ZFPL1: variants seen among roughly 807,000 people sequenced by gnomAD.
ZFPL1 encodes the protein zinc finger protein-like 1.
In ZFPL1, 28 loss-of-function variants were observed where a neutral mutation model predicts 32.0. The observed-to-expected ratio is 0.87, with a 90% confidence interval of 0.65 to 1.20. ZFPL1 has a LOEUF of 1.20. ZFPL1 is among the 50% of genes most tolerant of loss of function. The pLI is 0.00. For synonymous variants in ZFPL1, 165 were observed against 177.0 expected (o/e 0.93, Z 0.54); for missense variants, 386 against 424.8 (o/e 0.91, Z 0.80).
At chr11:65,086,283 C>A in intron 3 of ZFPL1, 132 bp from the exon 4 acceptor site, 1 of 1,192,400 alleles carries the variant, frequency 8.4e-7, no homozygotes, top group Non-Finnish European at 1.2e-6. Context: ...GGGAACAGGA[C>A]GGGGAGGAGA....
rs1381117351 is a variant in ZFPL1 at position 65,087,057 on chromosome 11, C to T, written c.611C>T (p.Pro204Leu). ...EQHTVIHMGN[P>L]EPLTHAPRKV... ...CACACAGTGATCCACATGGGCAATC[C>T]TGAGCCCTTGACTCACGGTGAGCCT... is the stretch of plus-strand genomic sequence containing the variant. Residue 204 changes from proline (P) to leucine (L), a missense_variant, in exon 6 of 8, where the codon CCT (proline) becomes CTT (leucine). Physicochemically the swap from Pro to Leu is moderately conservative, Grantham distance 98. Transcript: ENST00000294258. The T allele has an allele frequency of 1.2e-6, 2 of 1,613,630 alleles. No individual in the cohort carries two copies. Among genetic ancestry groups the T allele is most frequent in the Admixed American group, 3.3e-5 (2 of 59,972 alleles).
intron 2 of ZFPL1, 155 bp downstream of exon 2, chr11:65,084,955 G>A (rs1947659045): frequency 9.6e-7 from 1 of 1,036,698 alleles, no homozygotes; most frequent in Non-Finnish European, 1.5e-6. Context: ...CCGTTCCCAA[G>A]AGAGAGTCTG....
In ZFPL1 at chr11:65,087,065, T is replaced by G; in HGVS notation, c.619T>G (p.Leu207Val). Reference sequence around the variant, plus strand: ...GATCCACATGGGCAATCCTGAGCCCTTGACTCACGGTGAGCCTGGGAGTTA... The same window carrying G: ...GATCCACATGGGCAATCCTGAGCCCGTGACTCACGGTGAGCCTGGGAGTTA... ...TVIHMGNPEP[L>V]THAPRKVYDT... Residue 207 changes from leucine (L) to valine (V), a missense_variant, in exon 6 of 8, where the codon TTG becomes GTG. Transcript: ENST00000294258. The G allele has an allele frequency of 6.2e-7, 1 of 1,612,892 alleles. No homozygotes were observed. Among genetic ancestry groups the G allele is most frequent in the Non-Finnish European group, 8.5e-7 (1 of 1,179,238 alleles).
intron 7 of ZFPL1, 182 bp downstream of exon 7, chr11:65,087,615 G>A (rs1947692749): frequency 3.1e-6 from 2 of 653,568 alleles, no homozygotes; most frequent in South Asian, 1.8e-5. Flanking sequence ...GCTTCTCTCT[G>A]GGACTGTCTC....
At chr11:65,084,913 G>A (rs1406136325) in intron 2 of ZFPL1, 113 bp downstream of exon 2, 2 of 1,313,220 alleles carry the variant, frequency 1.5e-6, no homozygotes, top group Non-Finnish European at 1.1e-6. Context: ...CAAGGGCAAG[G>A]ACTTGATTTA....
intron 7 of ZFPL1, 200 bp downstream of exon 7, chr11:65,087,633 C>T (rs1040508978): frequency 3.2e-6 from 2 of 623,192 alleles, no homozygotes; most frequent in African/African-American, 3.7e-5. Context: ...CTCTATGCCT[C>T]CTACACAGGA....
chr11:65,085,484 C>T (rs1947667928), intron 3 of ZFPL1: 1 of 520,784 alleles, frequency 1.9e-6, no homozygotes. Context: ...CTGGAGGTTT[C>T]AGCGAGAACC....
intron 2 of ZFPL1, 80 bp from the exon 3 acceptor site, chr11:65,085,035 G>C: frequency 7.2e-7 from 1 of 1,384,958 alleles, no homozygotes; most frequent in Non-Finnish European, 1.0e-6. Flanking sequence ...TCTGTGGCTA[G>C]AGAAAAAGAG....
At position 65,086,536 on chromosome 11, in the gene ZFPL1, C is replaced by G. The variant is rs1405519230; in HGVS notation, c.336C>G (p.Gly112=). Residue 112 remains glycine, a synonymous_variant, in exon 4 of 8, where the codon GGC becomes GGG. Transcript: ENST00000294258. The part of the protein sequence containing the change: ...GPIFPPTNLA[G]PVASALREKL... The stretch of plus-strand genomic sequence containing the variant: ...TCTTCCCCCCAACCAACCTGGCTGG[C>G]CCCGTGGCCTCCGCACTGAGAGAGA... 6.2e-7 allele frequency: 1 copy of G among 1,614,108 alleles called. No homozygotes were observed. The highest frequency in any genetic ancestry group is 1.1e-5 in the South Asian group (1 of 91,084).
At chr11:65,085,033 TAGAGAA>T (rs2137162794) in intron 2 of ZFPL1, 76 bp from the exon 3 acceptor site, 1 of 1,363,754 alleles carries the variant, frequency 7.3e-7, no homozygotes, top group South Asian at 1.2e-5. Flanking sequence ...CCTCTGTGGC[TAGAGAA>T]AAAGAGACAG....
In ZFPL1 at chr11:65,086,540, G is replaced by C. The variant is rs200451596; in HGVS notation, c.340G>C (p.Val114Leu). 3.3e-5 allele frequency: 53 copies of C among 1,613,954 alleles called. No individual in the cohort carries two copies. The highest frequency in any genetic ancestry group is 4.5e-5 in the Non-Finnish European group (53 of 1,180,044). ...CCCCCCAACCAACCTGGCTGGCCCC[G>C]TGGCCTCCGCACTGAGAGAGAAGCT... Reference protein sequence around the residue: ...IFPPTNLAGPVASALREKLAT... With the variant: ...IFPPTNLAGPLASALREKLAT... Residue 114 changes from valine (V) to leucine (L), a missense_variant, in exon 4 of 8, where the codon GTG becomes CTG. Coordinates refer to ENST00000294258, the MANE Select transcript of ZFPL1 (RefSeq NM_006782.4).
chr11:65,088,093 C>T lies in ZFPL1; in HGVS notation c.912C>T (p.His304=). ...DPNLDPLMNP[H]IRVGPS ...ACCTGGACCCACTCATGAACCCTCA[C>T]ATCCGCGTGGGCCCCTCCTGAGCCC... The change falls in exon 8 of 8, where the codon CAC becomes CAT. Residue 304 remains histidine, a synonymous_variant. Transcript: ENST00000294258. 1 of 1,610,894 alleles carries T rather than the reference C, an allele frequency of 6.2e-7. No individual in the cohort carries two copies. Among genetic ancestry groups the T allele is most frequent in the East Asian group, 2.2e-5 (1 of 44,862 alleles).
intron 5 of ZFPL1, 23 bp from the exon 6 acceptor site, chr11:65,086,905 G>T (rs751065711): frequency 1.2e-6 from 2 of 1,613,112 alleles, no homozygotes; most frequent in East Asian, 4.5e-5. Context: ...TGCTTCTGCT[G>T]ACGGCTCTCT....
chr11:65,084,841 G>A, intron 2 of ZFPL1, 41 bp downstream of exon 2: 1 of 1,610,226 alleles, frequency 6.2e-7, no homozygotes, highest in Non-Finnish European at 8.5e-7. Context: ...GCACTGGGTG[G>A]GCAAGGCGGT....
At chr11:65,087,548 T>A in intron 7 of ZFPL1, 115 bp downstream of exon 7, 2 of 974,264 alleles carry the variant, frequency 2.1e-6, no homozygotes, top group Non-Finnish European at 3.2e-6. Flanking sequence ...GGAGTAACAG[T>A]ACCTGGTGCT....
Position 65,086,972 on chromosome 11 carries a change from G to A in ZFPL1, c.526G>A (p.Ala176Thr). 1 of 1,614,044 alleles carries A rather than the reference G, an allele frequency of 6.2e-7. No individual in the cohort carries two copies. The highest frequency in any genetic ancestry group is 1.3e-5 in the African/African-American group (1 of 75,018). Reference protein sequence around the residue: ...GPEEVDSASAAPAFYSQAPRP... With the variant: ...GPEEVDSASATPAFYSQAPRP... ...AGAGGAGGTAGACAGCGCCTCTGCTGCCCCAGCCTTCTACAGCCAGGCCCC... is the reference window on the plus strand; with the variant it reads ...AGAGGAGGTAGACAGCGCCTCTGCTACCCCAGCCTTCTACAGCCAGGCCCC... Residue 176 changes from alanine (A) to threonine (T), a missense_variant, in exon 6 of 8, where the codon GCC becomes ACC. Ala to Thr is a moderately conservative substitution (Grantham distance 58). Coordinates refer to ENST00000294258, the MANE Select transcript of ZFPL1 (RefSeq NM_006782.4).
chr11:65,085,978 T>C lies in ZFPL1; in HGVS notation c.215-437T>C, dbSNP rs758045428. 1.2e-4 allele frequency: 29 copies of C among 242,134 alleles called. No individual in the cohort carries two copies. In the Middle Eastern group the frequency reaches 9.1e-3, roughly 76 times the overall value. The allele number at this position is 242,134 out of a possible 1,614,324, so 15.0% of individuals were successfully genotyped here. A position where few individuals can be genotyped will look rare whatever the true frequency, so the allele number is the denominator to read the frequency against. On this transcript the variant is annotated intron_variant, in intron 3 of 7. Transcript: ENST00000294258. The stretch of plus-strand genomic sequence containing the variant: ...GGCTCCTGTACCCATAGTGTAGATA[T>C]AGGGAATGCCACTTGTGTTTGATTA...
chr11:65,087,704 T>A, intron 7 of ZFPL1: 1 of 622,924 alleles, frequency 1.6e-6, no homozygotes, highest in Non-Finnish European at 2.8e-6. Context: ...TCTTTGTAAT[T>A]CTCCCCGACG....
chr11:65,086,108 A>G (rs904626039), intron 3 of ZFPL1: 2 of 457,586 alleles, frequency 4.4e-6, no homozygotes, highest in Non-Finnish European at 7.9e-6. Flanking sequence ...ATTATTAGCC[A>G]TTAGCCCAAA....
Sources: allele counts gnomAD v4.1 joint callset, GRCh38; gene constraint gnomAD v4.1.1; transcripts MANE v1.5; gene names NCBI Gene and HGNC (gene_info 2026-07-23, HGNC 2026-07-21).